The following NSUN6 variants were observed in gnomAD, a reference collection of about 807,000 sequenced individuals.
NSUN6 encodes NOP2/Sun RNA methyltransferase 6, also known as tRNA (cytosine(72)-C(5))-methyltransferase NSUN6.
NSUN6 carries 64 observed loss-of-function variants against 58.0 expected under a neutral mutation model. The ratio of observed to expected loss-of-function variants is 1.10; its 90% CI spans 0.90 to 1.36. The LOEUF is 1.36. Ranked by LOEUF, NSUN6 falls within the 40% of genes most tolerant of loss-of-function variation. NSUN6 has a pLI of 0.00. For synonymous variants in NSUN6, 231 were observed against 193.9 expected, an observed-to-expected ratio of 1.19 and a Z score of -1.59; for missense variants, 701 against 550.1, an observed-to-expected ratio of 1.27 and a Z score of -2.74.
intron 8 of NSUN6, among the ~76,000 whole-genome samples, chr10:18,582,918 G>A (rs1033230437): frequency 6.6e-6 from 1 of 152,138 alleles, no homozygotes; most frequent in East Asian, 1.9e-4. Context: ...TGGGGAGGAG[G>A]TGAATTAGCA....
rs1285299604 is a variant in NSUN6, at chr10:18,576,492, G to C, written c.922+9457C>G. Among the ~76,000 whole-genome samples, 5 of 152,124 alleles carry C rather than the reference G, an allele frequency of 3.3e-5. No individual in the cohort carries two copies. In the South Asian group the frequency reaches 8.3e-4, roughly 25 times the overall value. ...GAGCAAGGATGGACTGCCCCAAAAG[G>C]TTTTTGTAATTTCCTAAAACTAAAC... On this transcript the variant is annotated intron_variant, in intron 8 of 10. Coordinates refer to ENST00000377304, the MANE Select transcript of NSUN6 (RefSeq NM_182543.5).
At chr10:18,601,040 G>C (rs570994673) in intron 6 of NSUN6, among the ~76,000 whole-genome samples, 1 of 142,902 alleles carries the variant, frequency 7.0e-6, no homozygotes, top group Admixed American at 7.2e-5. Context: ...AGATTTCAAG[G>C]TGTAACTACT....
chr10:18,567,374 T>TTTCCA (rs2056035438), intron 8 of NSUN6, among the ~76,000 whole-genome samples: 2 of 143,198 alleles, frequency 1.4e-5, no homozygotes, highest in East Asian at 3.9e-4. Flanking sequence ...CATATTCCAT[T>TTTCCA]TTCCATTCCA....
chr10:18,600,974 A>ATG (rs1194526504), intron 6 of NSUN6, among the ~76,000 whole-genome samples: 38 of 98,480 alleles, frequency 3.9e-4, no homozygotes, highest in South Asian at 7.3e-4. Context: ...ATATATATAT[A>ATG]TATGTATATA....
At chr10:18,601,442 G>A (rs2057834220) in intron 6 of NSUN6, among the ~76,000 whole-genome samples, 1 of 152,068 alleles carries the variant, frequency 6.6e-6, no homozygotes, top group African/African-American at 2.4e-5. Flanking sequence ...TTTGTTCCAA[G>A]GAACCGAGTG....
intron 4 of NSUN6, 97 bp downstream of exon 4, chr10:18,616,087 T>G: frequency 1.4e-6 from 1 of 721,744 alleles, no homozygotes; most frequent in Middle Eastern, 2.5e-4. Flanking sequence ...CAAGAAAAAT[T>G]TGGAATATAT....
chr10:18,655,802 C>G (rs2059771187), upstream of NSUN6, among the ~76,000 whole-genome samples: 1 of 152,220 alleles, frequency 6.6e-6, no homozygotes, highest in South Asian at 2.1e-4. Context: ...TAAAGGACTA[C>G]ATGTGTTGAT....
At chr10:18,548,034 G>A (rs1254798503) in intron 10 of NSUN6, 78 bp downstream of exon 10, 22 of 1,401,274 alleles carry the variant, frequency 1.6e-5, no homozygotes, top group African/African-American at 8.6e-5. Context: ...TTATCTCTTC[G>A]TTAACACCCT....
At chr10:18,585,744 C>T (rs2057102648) in intron 8 of NSUN6, among the ~76,000 whole-genome samples, 1 of 152,100 alleles carries the variant, frequency 6.6e-6, no homozygotes, top group Non-Finnish European at 1.5e-5. Flanking sequence ...AGCATGGTGA[C>T]TATACTAATG....
intron 3 of NSUN6, among the ~76,000 whole-genome samples, chr10:18,636,209 G>A (rs1283938456): frequency 2.6e-5 from 4 of 152,006 alleles, no homozygotes; most frequent in East Asian, 1.9e-4. Context: ...CAGGGGGTGC[G>A]GGAGATCTGC....
intron 3 of NSUN6, among the ~76,000 whole-genome samples, chr10:18,629,419 G>A (rs1239785889): frequency 2.0e-5 from 3 of 151,590 alleles, no homozygotes; most frequent in African/African-American, 4.9e-5. Context: ...AACTTTAAAT[G>A]TAAATGGACT....
intron 8 of NSUN6, among the ~76,000 whole-genome samples, chr10:18,566,551 A>G (rs1461006118): frequency 7.8e-6 from 1 of 128,904 alleles, no homozygotes; most frequent in East Asian, 2.1e-4. Flanking sequence ...AATCCATTCC[A>G]TTCTCCATTC....
chr10:18,563,609 C>CA (rs1159490120), intron 8 of NSUN6, among the ~76,000 whole-genome samples: 1 of 149,544 alleles, frequency 6.7e-6, no homozygotes, highest in Non-Finnish European at 1.5e-5. Flanking sequence ...CATTCCATTG[C>CA]TTTTTCTATT....
chr10:18,659,087 CT>C (rs2059810031), upstream of NSUN6: 1 of 153,084 alleles, frequency 6.5e-6, no homozygotes, highest in African/African-American at 2.4e-5. Context: ...AGGGAAGCAG[CT>C]GCTAGCAGCA....
chr10:18,634,764 C>CAAACAAACA (rs1554884232), intron 3 of NSUN6, among the ~76,000 whole-genome samples: 61 of 150,332 alleles, frequency 4.1e-4, no homozygotes, highest in African/African-American at 1.4e-3. Context: ...CTCAAACAAA[C>CAAACAAACA]AAACAAAACA....
In NSUN6 at chr10:18,585,956, G is replaced by A. The variant is rs549165504; in HGVS notation, c.915C>T (p.Asp305=). 1.2e-6 allele frequency: 2 copies of A among 1,601,190 alleles called. No homozygotes were observed. Among genetic ancestry groups the A allele is most frequent in the South Asian group, 1.1e-5 (1 of 87,686 alleles). ...AAAATCAAAATAGCTCACCTTCTGT[G>A]TCCTCCACCATATCAAGTTTAACCG... ...TKAVKLDMVE[D]TEGEPPFLPE... Residue 305 remains aspartate, a synonymous_variant, in exon 8 of 11, where the codon GAC becomes GAT. Transcript: ENST00000377304.
chr10:18,652,569 CTTTTTTTTTT>C (rs532727978), upstream of NSUN6: 9 of 898,452 alleles, frequency 1.0e-5, no homozygotes, highest in South Asian at 1.0e-4. Flanking sequence ...TTTCTCTGCT[CTTTTTTTTTT>C]TTTTTTTTTG....
chr10:18,577,085 C>T (rs2056686770), intron 8 of NSUN6, among the ~76,000 whole-genome samples: 1 of 152,132 alleles, frequency 6.6e-6, no homozygotes, highest in Non-Finnish European at 1.5e-5. Flanking sequence ...ATATCTATTA[C>T]AACCAACGGC....
intron 7 of NSUN6, among the ~76,000 whole-genome samples, chr10:18,595,498 C>A (rs1284643525): frequency 1.3e-5 from 2 of 152,168 alleles, no homozygotes; most frequent in African/African-American, 4.8e-5. Context: ...CACAACGCCA[C>A]AAAATCAACC....
Sources: gnomAD v4.1 joint callset for allele counts (sites outside exome capture counted in the v4.1 genomes callset) on GRCh38, gnomAD v4.1.1 for gene constraint, MANE v1.5 for transcripts, NCBI Gene and HGNC (gene_info 2026-07-23, HGNC 2026-07-21) for gene names.